The following ACBD7 variants were observed in gnomAD, a reference collection of about 807,000 sequenced individuals.
ACBD7 encodes the protein acyl-CoA binding domain containing 7, also known as acyl-CoA-binding domain-containing protein 7.
A neutral mutation model predicts 13.7 loss-of-function variants in ACBD7; 11 were observed. The ratio of observed to expected loss-of-function variants is 0.80; its 90% confidence interval spans 0.50 to 1.33. The LOEUF is 1.33. Among genes scored for constraint, ACBD7 ranks in the 40% most tolerant of loss-of-function variants. ACBD7 has a pLI of 0.00. For missense variants in ACBD7, 111 were observed against 103.0 expected (o/e 1.08, Z -0.33); for synonymous variants, 43 against 37.7 (o/e 1.14, Z -0.51).
At chr10:15,081,486 T>C (rs1844749497) in intron 1 of ACBD7, among the ~76,000 whole-genome samples, 1 of 152,320 alleles carries the variant, frequency 6.6e-6, no homozygotes, top group African/African-American at 2.4e-5. Context: ...AGTTATATAT[T>C]AGAAGAAGTT....
intron 1 of ACBD7, among the ~76,000 whole-genome samples, chr10:15,082,924 G>A (rs1203575294): frequency 6.6e-6 from 1 of 152,124 alleles, no homozygotes; most frequent in African/African-American, 2.4e-5. Flanking sequence ...TGTGATCCCA[G>A]CTACTCAGGA....
intron 1 of ACBD7, among the ~76,000 whole-genome samples, chr10:15,083,980 C>T (rs913977939): frequency 6.6e-6 from 1 of 152,168 alleles, no homozygotes; most frequent in Non-Finnish European, 1.5e-5. Context: ...CAACGGTGAC[C>T]ACAGGGGACT....
At chr10:15,082,397 G>C (rs2131395704) in intron 1 of ACBD7, among the ~76,000 whole-genome samples, 1 of 151,962 alleles carries the variant, frequency 6.6e-6, no homozygotes, top group African/African-American at 2.4e-5. Context: ...TTTGTAAGTA[G>C]TATAGAAAAA....
At position 15,076,952 on chromosome 10, in the gene ACBD7, T is replaced by A. The variant is rs1307079938; in HGVS notation, c.*1578A>T. On this transcript the variant is annotated 3_prime_UTR_variant, in exon 4 of 4. Coordinates refer to ENST00000356189, the MANE Select transcript of ACBD7 (RefSeq NM_001039844.3). ...TTCTAAAAAGTCAAAAAACAACAGA[T>A]GTGGAGAAAAGGGAATGCTTATACA... The A allele has an allele frequency of 1.0e-6, 1 of 983,444 alleles. No individual in the cohort carries two copies. The allele number at this position is 983,444 out of a possible 1,614,324, so 60.9% of individuals were successfully genotyped here.
At chr10:15,088,561 G>A (rs11259477) in intron 1 of ACBD7, 156 bp downstream of exon 1, 10 of 1,034,622 alleles carry the variant, frequency 9.7e-6, no homozygotes, top group East Asian at 9.4e-5. Flanking sequence ...GCACAGGTGC[G>A]GTCTACACTG....
At chr10:15,085,411 C>T (rs367784985) in intron 1 of ACBD7, among the ~76,000 whole-genome samples, 16 of 152,238 alleles carry the variant, frequency 1.1e-4, no homozygotes, top group African/African-American at 3.9e-4. Flanking sequence ...GCTCTCACCT[C>T]ACCTGACTTT....
rs1174705903 is a variant in ACBD7 at position 15,077,238 on chromosome 10, G to A, written c.*1292C>T. 1.3e-5 allele frequency among the ~76,000 whole-genome samples: 2 copies of A among 152,144 alleles called. No individual in the cohort carries two copies. The highest frequency in any genetic ancestry group is 1.5e-5 in the Non-Finnish European group (1 of 68,028). ...AAGAAAACGTTGTATATGTATACCAGGGGATATTACTCAGCCATATAAAGA... is the reference window on the plus strand; with the variant it reads ...AAGAAAACGTTGTATATGTATACCAAGGGATATTACTCAGCCATATAAAGA... On this transcript the variant is annotated 3_prime_UTR_variant, in exon 4 of 4. Coordinates refer to ENST00000356189, the MANE Select transcript of ACBD7 (RefSeq NM_001039844.3).
chr10:15,083,103 C>T (rs1223031130), intron 1 of ACBD7, among the ~76,000 whole-genome samples: 2 of 152,278 alleles, frequency 1.3e-5, no homozygotes, highest in East Asian at 3.9e-4. Context: ...CACAGAAGAG[C>T]TATGCCCTCA....
In ACBD7 at chr10:15,077,222, T is replaced by C. The variant is rs919787424; in HGVS notation, c.*1308A>G. 1.6e-4 allele frequency among the ~76,000 whole-genome samples: 25 copies of C among 152,176 alleles called. 1 individual carries two copies. The highest frequency in any genetic ancestry group is 5.8e-4 in the African/African-American group (24 of 41,442). ...AGCAGATGATGGGATAAAGAAAACGTTGTATATGTATACCAGGGGATATTA... is the reference window on the plus strand; with the variant it reads ...AGCAGATGATGGGATAAAGAAAACGCTGTATATGTATACCAGGGGATATTA... On this transcript the variant is annotated 3_prime_UTR_variant, in exon 4 of 4. Coordinates refer to ENST00000356189, the MANE Select transcript of ACBD7 (RefSeq NM_001039844.3).
chr10:15,087,854 G>A (rs1408117497), intron 1 of ACBD7, among the ~76,000 whole-genome samples: 2 of 151,840 alleles, frequency 1.3e-5, no homozygotes, highest in Non-Finnish European at 2.9e-5. Context: ...CGGGCGTGGT[G>A]GCGTGCACCT....
intron 1 of ACBD7, among the ~76,000 whole-genome samples, chr10:15,083,726 G>A (rs574458141): frequency 6.6e-6 from 1 of 152,256 alleles, no homozygotes; most frequent in African/African-American, 2.4e-5. Flanking sequence ...CAAGTGACCT[G>A]CCTACCTCTG....
chr10:15,086,988 G>A (rs1260380494), intron 1 of ACBD7, among the ~76,000 whole-genome samples: 78 of 151,010 alleles, frequency 5.2e-4, no homozygotes, highest in African/African-American at 1.7e-3. Context: ...ACTCCAGCCT[G>A]GGCAACAAGA....
chr10:15,082,283 C>CAA (rs78001272), intron 1 of ACBD7, among the ~76,000 whole-genome samples: 4,892 of 65,536 alleles, frequency 0.075, 207 homozygotes, highest in Middle Eastern at 0.097. Flanking sequence ...AAGACTATCT[C>CAA]AAAAAAAAAA....
Position 15,078,571 on chromosome 10 carries a change from T to C in ACBD7, c.226A>G (p.Ile76Val). The C allele has an allele frequency of 1.9e-6, 3 of 1,614,180 alleles. No individual in the cohort carries two copies. Among genetic ancestry groups the C allele is most frequent in the South Asian group, 1.1e-5 (1 of 91,086 alleles). Residue 76 changes from isoleucine to valine, a missense_variant, in exon 4 of 4, where the codon ATT becomes GTT. Transcript: ENST00000356189. ...LSTEDATSAY[I>V]SKAKELIEKY... ...TCTATCAGCTCCTTTGCTTTAGAAA[T>C]ATAGGCACTCGTCGCATCTTCCGTC...
chr10:15,077,398 T>C lies in ACBD7; in HGVS notation c.*1132A>G, dbSNP rs7074808. The C allele has an allele frequency of 0.44, 66,263 of 151,876 alleles. 14,725 individuals carry two copies. Among genetic ancestry groups the C allele is most frequent in the South Asian group, 0.61 (2,960 of 4,820 alleles). The allele number at this position is 151,876 out of a possible 1,614,324, so 9.4% of individuals were successfully genotyped here. A position where few individuals can be genotyped will look rare whatever the true frequency, so the allele number is the denominator to read the frequency against. On this transcript the variant is annotated 3_prime_UTR_variant, in exon 4 of 4. Transcript: ENST00000356189. ...AAACAAAAAAAAATACCACATGTTT[T>C]CACTTATAAGTGGGAGTTAAACAGG...
At position 15,078,540 on chromosome 10, in the gene ACBD7, T is replaced by C. The variant is rs1844709930; in HGVS notation, c.257A>G (p.Tyr86Cys). The C allele has an allele frequency of 1.2e-6, 2 of 1,614,066 alleles. No individual in the cohort carries two copies. Among genetic ancestry groups the C allele is most frequent in the South Asian group, 1.1e-5 (1 of 91,092 alleles). ...ISKAKELIEK[Y>C]GI is the part of the protein sequence containing the mutation. ...CTCATATGCTGTATTCTAAATTCCG[T>C]ATTTTTCTATCAGCTCCTTTGCTTT... The change falls in exon 4 of 4, where the codon TAC (tyrosine) becomes TGC (cysteine). Residue 86 changes from tyrosine to cysteine, a missense_variant. By Grantham distance (194) the Tyr-to-Cys change is radical (BLOSUM62 -2). Transcript: ENST00000356189.
Position 15,076,772 on chromosome 10 carries a change from A to C in ACBD7, c.*1758T>G, listed in dbSNP as rs1179489534. ...CCTACCTCGGCCTCCCAAAGTGCTG[A>C]GATTAGAGGCGTGAGCCACCACGCT... On this transcript the variant is annotated 3_prime_UTR_variant, in exon 4 of 4. Coordinates refer to ENST00000356189, the MANE Select transcript of ACBD7 (RefSeq NM_001039844.3). The C allele has an allele frequency of 2.3e-5, 23 of 984,298 alleles. No individual in the cohort carries two copies. Among genetic ancestry groups the C allele is most frequent in the Non-Finnish European group, 2.8e-5 (23 of 829,078 alleles). 61.0% of individuals were successfully genotyped at this position (984,298 alleles called of 1,614,324 possible).
At chr10:15,083,891 C>T (rs1185146305) in intron 1 of ACBD7, among the ~76,000 whole-genome samples, 2 of 152,238 alleles carry the variant, frequency 1.3e-5, no homozygotes, top group East Asian at 1.9e-4. Flanking sequence ...TCCGACAGGC[C>T]AGGCCTTTGC....
rs34941547 is a variant in ACBD7, at chr10:15,076,503, AT to A, written c.*2026del. ...TTAAACTGCTATGGACAGACTTGTA[AT>A]TTTTTTTTTTTTTTTTGAGACGGAG... On this transcript the variant is annotated 3_prime_UTR_variant, in exon 4 of 4. Coordinates refer to ENST00000356189, the MANE Select transcript of ACBD7 (RefSeq NM_001039844.3). 0.06 allele frequency: 46,985 copies of A among 788,060 alleles called. 138 individuals carry two copies. The highest frequency in any genetic ancestry group is 0.1 in the African/African-American group (5,252 of 50,466). 48.8% of individuals were successfully genotyped at this position (788,060 alleles called of 1,614,324 possible). A position where few individuals can be genotyped will look rare whatever the true frequency, so the allele number is the denominator to read the frequency against.
Sources: gnomAD v4.1 joint callset for allele counts (sites outside exome capture counted in the v4.1 genomes callset) on GRCh38, gnomAD v4.1.1 for gene constraint, MANE v1.5 for transcripts, NCBI Gene and HGNC (gene_info 2026-07-23, HGNC 2026-07-21) for gene names.